The following GNAZ variants were observed in gnomAD, a reference collection of about 807,000 sequenced individuals.
The protein encoded by GNAZ is G protein subunit alpha z, also known as guanine nucleotide-binding protein G(z) subunit alpha.
In GNAZ, 3 loss-of-function variants were observed where a neutral mutation model predicts 25.4. That is an observed-to-expected ratio of 0.12 (90% CI 0.05 to 0.30). The LOEUF is 0.30. Among genes scored for constraint, GNAZ ranks in the 10% least tolerant of loss-of-function variants. The pLI, the probability that GNAZ is intolerant of heterozygous loss-of-function variation, is 1.00. For missense variants in GNAZ, 241 were observed against 501.8 expected, an observed-to-expected ratio of 0.48 and a Z score of 4.97; for synonymous variants, 211 against 205.7, an observed-to-expected ratio of 1.03 and a Z score of -0.22.
At chr22:23,116,093 G>A (rs912535660) in intron 2 of GNAZ, among the ~76,000 whole-genome samples, 4 of 152,278 alleles carry the variant, frequency 2.6e-5, no homozygotes, top group African/African-American at 7.2e-5. Flanking sequence ...TGCTCACCAC[G>A]TGCCCAGGAC....
At chr22:23,115,500 G>A (rs915672991) in intron 2 of GNAZ, among the ~76,000 whole-genome samples, 39 of 152,306 alleles carry the variant, frequency 2.6e-4, no homozygotes, top group African/African-American at 7.7e-4. Flanking sequence ...CTGGGAGTGC[G>A]TCTGGCCTCC....
chr22:23,116,711 C>G (rs1030748113), intron 2 of GNAZ, among the ~76,000 whole-genome samples: 2 of 152,192 alleles, frequency 1.3e-5, no homozygotes, highest in Admixed American at 1.3e-4. Flanking sequence ...CTCCCCACCC[C>G]CAGCCCAGGC....
intron 1 of GNAZ, among the ~76,000 whole-genome samples, chr22:23,091,888 C>G (rs2068990738): frequency 6.6e-6 from 1 of 152,180 alleles, no homozygotes; most frequent in African/African-American, 2.4e-5. Flanking sequence ...TCCAGCCACT[C>G]TGACCTTCCT....
chr22:23,117,728 G>A (rs2069891966), intron 2 of GNAZ, among the ~76,000 whole-genome samples: 1 of 152,232 alleles, frequency 6.6e-6, no homozygotes, highest in South Asian at 2.1e-4. Context: ...TACAGATGAG[G>A]AAACTGAGGC....
At chr22:23,072,894 G>A (rs1343778554) in intron 1 of GNAZ, among the ~76,000 whole-genome samples, 1 of 152,212 alleles carries the variant, frequency 6.6e-6, no homozygotes, top group African/African-American at 2.4e-5. Context: ...TCTCAGTCTG[G>A]CCCTCAGGAG....
At chr22:23,077,569 G>A (rs182465872) in intron 1 of GNAZ, among the ~76,000 whole-genome samples, 43 of 152,302 alleles carry the variant, frequency 2.8e-4, no homozygotes, top group African/African-American at 1.0e-3. Flanking sequence ...TAAACCGTGT[G>A]GTTTCAGCTC....
chr22:23,117,670 C>G (rs1261711536), intron 2 of GNAZ, among the ~76,000 whole-genome samples: 1 of 152,226 alleles, frequency 6.6e-6, no homozygotes, highest in East Asian at 1.9e-4. Flanking sequence ...GCTTGGGGTT[C>G]TTCCCGTGTC....
At position 23,124,762 on chromosome 22, in the gene GNAZ, G is replaced by A. The variant is rs558447704; in HGVS notation, c.*1331G>A. 15 of 165,174 alleles carry A rather than the reference G, an allele frequency of 9.1e-5. No individual in the cohort carries two copies. In the East Asian group the frequency reaches 2.5e-3, roughly 28 times the overall value. The allele number at this position is 165,174 out of a possible 1,614,324, so 10.2% of individuals were successfully genotyped here. On this transcript the variant is annotated 3_prime_UTR_variant, in exon 3 of 3. Coordinates refer to ENST00000615612, the MANE Select transcript of GNAZ (RefSeq NM_002073.4). ...AGGCCCTGCTGGGACCCTGATCTGG[G>A]CCTTCCTGTCCCAGGGCCTATGGGC...
chr22:23,096,121 C>T lies in GNAZ; in HGVS notation c.426C>T (p.Ser142=). Residue 142 remains serine, a synonymous_variant, in exon 2 of 3, where the codon AGC becomes AGT. Coordinates refer to ENST00000615612, the MANE Select transcript of GNAZ (RefSeq NM_002073.4). ...ACCCAGGGGCACAGGCCTGCTTCAG[C>T]CGCTCCAGCGAGTACCACCTGGAGG... The part of the protein sequence containing the change: ...WADPGAQACF[S]RSSEYHLEDN... 1 of 1,611,742 alleles carries T rather than the reference C, an allele frequency of 6.2e-7. No individual in the cohort carries two copies.
At chr22:23,079,060 CT>C (rs1428424350) in intron 1 of GNAZ, among the ~76,000 whole-genome samples, 1 of 152,220 alleles carries the variant, frequency 6.6e-6, no homozygotes, top group Non-Finnish European at 1.5e-5. Flanking sequence ...TTATTGGCAC[CT>C]GCTTGGTGCT....
At chr22:23,097,767 G>A (rs571249557) in intron 2 of GNAZ, among the ~76,000 whole-genome samples, 125 of 152,362 alleles carry the variant, frequency 8.2e-4, no homozygotes, top group African/African-American at 2.8e-3. Context: ...TGGGCAGAGC[G>A]CTTGGGGCTG....
chr22:23,123,459 A>G lies in GNAZ; in HGVS notation c.*28A>G, dbSNP rs370420850. The G allele has an allele frequency of 2.0e-6, 3 of 1,493,072 alleles. No individual in the cohort carries two copies. The highest frequency in any genetic ancestry group is 1.2e-5 in the South Asian group (1 of 86,600). 92.5% of individuals were successfully genotyped at this position (1,493,072 alleles called of 1,614,324 possible). On this transcript the variant is annotated 3_prime_UTR_variant, in exon 3 of 3. Transcript: ENST00000615612. ...AGCTGGGCCCGGGGCCCGCCTGCCT[A>G]TGGTGAAACCCACGGGGTGTCATGC...
chr22:23,105,358 T>C (rs963351044), intron 2 of GNAZ, among the ~76,000 whole-genome samples: 4 of 152,234 alleles, frequency 2.6e-5, no homozygotes, highest in Non-Finnish European at 5.9e-5. Flanking sequence ...GATGAATATT[T>C]TTGAAAACCA....
chr22:23,109,148 C>T (rs1751842675), intron 2 of GNAZ, among the ~76,000 whole-genome samples: 1 of 152,176 alleles, frequency 6.6e-6, no homozygotes, highest in Non-Finnish European at 1.5e-5. Context: ...TCTTGTGACG[C>T]ACTTCACTGT....
At chr22:23,091,209 T>C (rs1441743504) in intron 1 of GNAZ, among the ~76,000 whole-genome samples, 1 of 152,194 alleles carries the variant, frequency 6.6e-6, no homozygotes, top group Non-Finnish European at 1.5e-5. Flanking sequence ...GATCTGCGCG[T>C]GCACATGAAC....
chr22:23,086,214 G>A (rs1184731572), intron 1 of GNAZ, among the ~76,000 whole-genome samples: 3 of 152,268 alleles, frequency 2.0e-5, no homozygotes, highest in Non-Finnish European at 4.4e-5. Context: ...GGTGTGGCCA[G>A]GTTAGGCAGG....
intron 2 of GNAZ, among the ~76,000 whole-genome samples, chr22:23,122,864 T>A (rs2070071426): frequency 6.6e-6 from 1 of 152,022 alleles, no homozygotes; most frequent in African/African-American, 2.4e-5. Context: ...CAAGAGAACA[T>A]CTTCCAAGCA....
intron 1 of GNAZ, among the ~76,000 whole-genome samples, chr22:23,079,464 AG>A (rs987013602): frequency 9.2e-5 from 14 of 151,812 alleles, no homozygotes; most frequent in African/African-American, 1.5e-4. Flanking sequence ...GGAGTGGGGG[AG>A]GGGGAGCATG....
rs530763399 is a variant in GNAZ, at chr22:23,081,391, A to T, written c.-450+10821A>T. ...TATCTGAGTTAAGTGAAAATAAAGT[A>T]CACGTGTGTCATTTCTTAGGTCTTC... is the stretch of plus-strand genomic sequence containing the variant. On this transcript the variant is annotated intron_variant, in intron 1 of 2. Transcript: ENST00000615612. Among the ~76,000 whole-genome samples, 269 of 152,340 alleles carry T rather than the reference A, an allele frequency of 1.8e-3. 1 individual carries two copies. Among genetic ancestry groups the T allele is most frequent in the African/African-American group, 4.8e-3 (201 of 41,574 alleles).
Sources: allele counts gnomAD v4.1 joint callset (sites outside exome capture counted in the v4.1 genomes callset), GRCh38; gene constraint gnomAD v4.1.1; transcripts MANE v1.5; gene names NCBI Gene and HGNC (gene_info 2026-07-23, HGNC 2026-07-21).